The following TP53BP1 variants were observed in gnomAD, a reference collection of about 807,000 sequenced individuals.
The protein encoded by TP53BP1 is TP53-binding protein 1.
A neutral mutation model predicts 200.8 loss-of-function variants in TP53BP1; 61 were observed. That is an observed-to-expected ratio of 0.30 (90% confidence interval 0.25 to 0.38). The LOEUF (loss-of-function observed/expected upper bound fraction) is 0.38. Ranked by LOEUF, TP53BP1 falls within the 10% of genes least tolerant of loss-of-function variation. The pLI is 1.00. For missense variants in TP53BP1, 2,144 were observed against 2,371.9 expected (o/e 0.90, Z 2.00); for synonymous variants, 822 against 844.3 (o/e 0.97, Z 0.46).
Position 43,434,297 on chromosome 15 carries a change from TAAAC to T in TP53BP1, c.3192-1624_3192-1621del, listed in dbSNP as rs570658740. Among the ~76,000 whole-genome samples the T allele has an allele frequency of 2.2e-3, 331 of 152,288 alleles. 1 individual carries two copies. Among genetic ancestry groups the T allele is most frequent in the Non-Finnish European group, 3.7e-3 (254 of 68,020 alleles). On this transcript the variant is annotated intron_variant, in intron 16 of 27. Transcript: ENST00000382044. ...TATTAGATGCATAAGACAATGCAAT[TAAAC>T]AGACTCAGTTCACCTTCAATATCAA...
chr15:43,502,601 C>G (rs1235570318), intron 1 of TP53BP1, among the ~76,000 whole-genome samples: 1 of 150,828 alleles, frequency 6.6e-6, no homozygotes, highest in Non-Finnish European at 1.5e-5. Context: ...ACTACAGGCG[C>G]CCGCCACCAC....
At position 43,456,477 on chromosome 15, in the gene TP53BP1, C is replaced by T. The variant is rs779663481; in HGVS notation, c.2131G>A (p.Glu711Lys). 19 of 1,567,786 alleles carry T rather than the reference C, an allele frequency of 1.2e-5. No individual in the cohort carries two copies. The South Asian group carries it at 2.3e-4, about 19-fold the overall frequency. ...TQSQGLCLQK[E>K]MPKKECSEAM... ...TCTGAGCATTCTTTTTTTGGCATTT[C>T]CTTTTGAAGACACAACCCTTGGGAC... Residue 711 changes from glutamate to lysine, a missense_variant, in exon 12 of 28, where the codon GAA becomes AAA. Physicochemically the swap from Glu to Lys is moderately conservative, Grantham distance 56. Coordinates refer to ENST00000382044, the MANE Select transcript of TP53BP1 (RefSeq NM_001141980.3).
chr15:43,479,642 T>C, intron 6 of TP53BP1, 116 bp from the exon 7 acceptor site: 2 of 1,236,886 alleles, frequency 1.6e-6, no homozygotes, highest in Non-Finnish European at 2.3e-6. Flanking sequence ...TTAAAATATA[T>C]ACAGGCATCA....
chr15:43,403,347 CAA>C lies in TP53BP1; in HGVS notation c.*4034_*4035del, dbSNP rs933016250. 1.1e-5 allele frequency: 2 copies of C among 190,054 alleles called. No individual in the cohort carries two copies. Among genetic ancestry groups the C allele is most frequent in the African/African-American group, 4.7e-5 (2 of 42,634 alleles). 11.8% of individuals were successfully genotyped at this position (190,054 alleles called of 1,614,324 possible). A position where few individuals can be genotyped will look rare whatever the true frequency, so the allele number is the denominator to read the frequency against. On this transcript the variant is annotated 3_prime_UTR_variant, in exon 28 of 28. Coordinates refer to ENST00000382044, the MANE Select transcript of TP53BP1 (RefSeq NM_001141980.3). The stretch of plus-strand genomic sequence containing the variant: ...GTGGGACTTGAACTGGTATTAAAAA[CAA>C]GAGCATCCCGGGCAAAGGGAACAAC...
chr15:43,403,407 G>A lies in TP53BP1; in HGVS notation c.*3976C>T, dbSNP rs1016259139. On this transcript the variant is annotated 3_prime_UTR_variant, in exon 28 of 28. Coordinates refer to ENST00000382044, the MANE Select transcript of TP53BP1 (RefSeq NM_001141980.3). ...GCTCAGAGGCAGGAAGACACTCTGCGGGTCTAAGAAATGAAGAGTTAAATG... is the reference window on the plus strand; with the variant it reads ...GCTCAGAGGCAGGAAGACACTCTGCAGGTCTAAGAAATGAAGAGTTAAATG... 61 of 273,926 alleles carry A rather than the reference G, an allele frequency of 2.2e-4. No homozygotes were observed. The highest frequency in any genetic ancestry group is 1.1e-3 in the African/African-American group (52 of 45,354). The allele number at this position is 273,926 out of a possible 1,614,324, so 17.0% of individuals were successfully genotyped here.
intron 17 of TP53BP1, among the ~76,000 whole-genome samples, chr15:43,430,398 T>C (rs1302070210): frequency 6.6e-6 from 1 of 152,192 alleles, no homozygotes; most frequent in African/African-American, 2.4e-5. Context: ...CTATACACCA[T>C]CTATATATTT....
intron 13 of TP53BP1, chr15:43,446,912 T>A (rs2046054195): frequency 1.3e-6 from 1 of 743,210 alleles, no homozygotes; most frequent in Non-Finnish European, 2.2e-6. Flanking sequence ...CTCCCAGCAC[T>A]GACTAGAGAA....
chr15:43,415,865 C>T, intron 22 of TP53BP1, 56 bp from the exon 23 acceptor site: 1 of 1,429,840 alleles, frequency 7.0e-7, no homozygotes, highest in Non-Finnish European at 9.7e-7. Flanking sequence ...AGGCCCTGAA[C>T]TCCAAGAAAC....
At chr15:43,464,021 T>C (rs1436544174) in intron 11 of TP53BP1, among the ~76,000 whole-genome samples, 1 of 152,070 alleles carries the variant, frequency 6.6e-6, no homozygotes, top group Non-Finnish European at 1.5e-5. Context: ...CAGGCCAAGA[T>C]GAATCAAGAT....
intron 16 of TP53BP1, among the ~76,000 whole-genome samples, chr15:43,437,748 C>T (rs1430782763): frequency 6.6e-6 from 1 of 152,168 alleles, no homozygotes; most frequent in Non-Finnish European, 1.5e-5. Flanking sequence ...ATCCAGAATA[C>T]ACTATAGTCC....
At chr15:43,427,962 A>G in intron 18 of TP53BP1, 54 bp downstream of exon 18, 3 of 1,332,064 alleles carry the variant, frequency 2.3e-6, no homozygotes, top group Non-Finnish European at 3.0e-6. Context: ...GTCTCCAAAA[A>G]AAAAAAAAAA....
rs745505124 is a variant in TP53BP1, at chr15:43,407,347, G to A, written c.*36C>T. 6.9e-6 allele frequency: 11 copies of A among 1,592,434 alleles called. No individual in the cohort carries two copies. Among genetic ancestry groups the A allele is most frequent in the African/African-American group, 1.3e-5 (1 of 74,586 alleles). ...AACCTGGTTAAAACACAATCTCCACGATAGCAGGGAATAAAACCAGTAAGA... is the reference window on the plus strand; with the variant it reads ...AACCTGGTTAAAACACAATCTCCACAATAGCAGGGAATAAAACCAGTAAGA... On this transcript the variant is annotated 3_prime_UTR_variant, in exon 28 of 28. Transcript: ENST00000382044.
chr15:43,500,900 G>A (rs1200086836), intron 1 of TP53BP1, among the ~76,000 whole-genome samples: 3 of 152,030 alleles, frequency 2.0e-5, no homozygotes, highest in African/African-American at 7.3e-5. Flanking sequence ...AACAGGCCAG[G>A]CATGGTGGCT....
At chr15:43,504,586 A>G (rs984027856) in intron 1 of TP53BP1, among the ~76,000 whole-genome samples, 3 of 152,234 alleles carry the variant, frequency 2.0e-5, no homozygotes, top group African/African-American at 7.2e-5. Flanking sequence ...TATTCCACAA[A>G]TAAGGTAAAG....
At chr15:43,492,547 G>T in intron 1 of TP53BP1, 79 bp from the exon 2 acceptor site, 1 of 1,172,556 alleles carries the variant, frequency 8.5e-7, no homozygotes, top group Non-Finnish European at 1.2e-6. Context: ...ATAATGGGGC[G>T]GAAGTACAAG....
In TP53BP1 at chr15:43,421,754, A is replaced by G. The variant is rs765968381; in HGVS notation, c.4100+101T>C. On this transcript the variant is annotated intron_variant, in intron 19 of 27. Transcript: ENST00000382044. Reference sequence around the variant, plus strand: ...GGGGTAGTTGATTTATCTTTAATGGAGGATGGGGGATTTCCCATTACTCCC... The same window carrying G: ...GGGGTAGTTGATTTATCTTTAATGGGGGATGGGGGATTTCCCATTACTCCC... The G allele has an allele frequency of 4.8e-6, 7 of 1,459,328 alleles. No individual in the cohort carries two copies. In the South Asian group the frequency reaches 9.2e-5, roughly 19 times the overall value. 90.4% of individuals were successfully genotyped at this position (1,459,328 alleles called of 1,614,324 possible).
At chr15:43,500,310 T>C (rs2079202991) in intron 1 of TP53BP1, among the ~76,000 whole-genome samples, 1 of 152,176 alleles carries the variant, frequency 6.6e-6, no homozygotes, top group Non-Finnish European at 1.5e-5. Flanking sequence ...TACTGTCTTT[T>C]TATTAACAGA....
intron 5 of TP53BP1, 144 bp downstream of exon 5, chr15:43,480,751 A>C: frequency 1.0e-6 from 1 of 966,812 alleles, no homozygotes; most frequent in Non-Finnish European, 1.6e-6. Context: ...GGAACATTTT[A>C]AATTACTAGC....
intron 10 of TP53BP1, among the ~76,000 whole-genome samples, chr15:43,473,458 G>T (rs1322038056): frequency 6.6e-6 from 1 of 151,576 alleles, no homozygotes; most frequent in Non-Finnish European, 1.5e-5. Flanking sequence ...GTTCTCCAAG[G>T]CCCCACCAGA....
Sources: allele counts gnomAD v4.1 joint callset (sites outside exome capture counted in the v4.1 genomes callset), GRCh38; gene constraint gnomAD v4.1.1; transcripts MANE v1.5; gene names NCBI Gene and HGNC (gene_info 2026-07-23, HGNC 2026-07-21).